VPS41: variants seen among roughly 807,000 people sequenced by gnomAD.
VPS41 encodes VPS41 subunit of HOPS complex, also known as vacuolar protein sorting-associated protein 41 homolog.
VPS41 carries 85 observed loss-of-function variants against 130.9 expected under a neutral mutation model. The ratio of observed to expected loss-of-function variants is 0.65; its 90% CI spans 0.55 to 0.78. The LOEUF (loss-of-function observed/expected upper bound fraction) is 0.78. Among genes scored for constraint, VPS41 ranks in the 30% least tolerant of loss-of-function variants. The pLI is 0.00. For synonymous variants in VPS41, 335 were observed against 332.9 expected, an observed-to-expected ratio of 1.01 and a Z score of -0.07; for missense variants, 874 against 1,018.7, an observed-to-expected ratio of 0.86 and a Z score of 1.93.
intron 1 of VPS41, among the ~76,000 whole-genome samples, chr7:38,908,670 C>T (rs10231395): frequency 1.3e-5 from 2 of 152,192 alleles, no homozygotes; most frequent in Admixed American, 6.5e-5. Context: ...TGCTCCAGAA[C>T]GGATGCATTT....
intron 10 of VPS41, among the ~76,000 whole-genome samples, chr7:38,786,528 G>A (rs1002262054): frequency 1.3e-5 from 2 of 152,122 alleles, no homozygotes; most frequent in Admixed American, 1.3e-4. Flanking sequence ...CCCAAAAGGA[G>A]GAATGAATAG....
rs1019954997 is a variant in VPS41, at chr7:38,796,853, A to T, written c.462T>A (p.Phe154Leu). 15 of 1,613,820 alleles carry T rather than the reference A, an allele frequency of 9.3e-6. No individual in the cohort carries two copies. The highest frequency in any genetic ancestry group is 1.3e-5 in the Non-Finnish European group (15 of 1,179,848). The change falls in exon 8 of 29, where the codon TTT (phenylalanine) becomes TTA (leucine). Residue 154 changes from phenylalanine to leucine, a missense_variant. By Grantham distance (22) the Phe-to-Leu change is conservative (BLOSUM62 0). Transcript: ENST00000310301. ...TCCATCTGTTCATCCAAGACCGTTC[A>T]AACAGTAGCAGCTAGGGACAAAAAG... ...FVTGGKKLLL[F>L]ERSWMNRWKS...
chr7:38,745,508 G>A (rs375394641), intron 23 of VPS41, 51 bp downstream of exon 23: 1 of 1,422,240 alleles, frequency 7.0e-7, no homozygotes, highest in Non-Finnish European at 9.9e-7. Flanking sequence ...ACTTCATGTT[G>A]TCATCCCATT....
At chr7:38,874,139 A>G (rs1156336411) in intron 2 of VPS41, among the ~76,000 whole-genome samples, 1 of 152,192 alleles carries the variant, frequency 6.6e-6, no homozygotes, top group Non-Finnish European at 1.5e-5. Flanking sequence ...TTGTTTAAAC[A>G]TATCTTTCAC....
intron 25 of VPS41, among the ~76,000 whole-genome samples, chr7:38,737,001 G>C (rs952613624): frequency 6.6e-6 from 1 of 152,150 alleles, no homozygotes; most frequent in African/African-American, 2.4e-5. Context: ...CACCACTTTT[G>C]AAAGTTGGTG....
chr7:38,809,571 G>A (rs1784904131), intron 7 of VPS41, among the ~76,000 whole-genome samples: 1 of 152,018 alleles, frequency 6.6e-6, no homozygotes, highest in Admixed American at 6.6e-5. Context: ...ACCACTGCTG[G>A]AAGCTTATAG....
chr7:38,835,492 G>T (rs960208469), intron 4 of VPS41, among the ~76,000 whole-genome samples: 28 of 151,876 alleles, frequency 1.8e-4, no homozygotes, highest in African/African-American at 6.5e-4. Context: ...CAAGGATGGT[G>T]ATGTTGTATT....
intron 3 of VPS41, 142 bp downstream of exon 3, chr7:38,869,004 T>C (rs1786288329): frequency 1.7e-6 from 1 of 602,530 alleles, no homozygotes; most frequent in African/African-American, 1.8e-5. Flanking sequence ...TGGGGTTTTT[T>C]GTTGGCAAGG....
intron 10 of VPS41, among the ~76,000 whole-genome samples, chr7:38,785,832 G>C (rs1257785598): frequency 6.6e-6 from 1 of 151,976 alleles, no homozygotes; most frequent in Non-Finnish European, 1.5e-5. Flanking sequence ...GTCACCCAAG[G>C]CAATCAGGTT....
chr7:38,817,526 G>A (rs1175847186), intron 7 of VPS41, among the ~76,000 whole-genome samples: 1 of 152,130 alleles, frequency 6.6e-6, no homozygotes, highest in Non-Finnish European at 1.5e-5. Flanking sequence ...GCTGATGCAG[G>A]AGAACCACTT....
chr7:38,782,799 T>C (rs934333893), intron 10 of VPS41, among the ~76,000 whole-genome samples: 1 of 152,158 alleles, frequency 6.6e-6, no homozygotes, highest in African/African-American at 2.4e-5. Flanking sequence ...TCATAATCTC[T>C]GAGGGTTACA....
At chr7:38,809,912 C>T (rs1291019558) in intron 7 of VPS41, among the ~76,000 whole-genome samples, 2 of 151,244 alleles carry the variant, frequency 1.3e-5, no homozygotes, top group Non-Finnish European at 2.9e-5. Context: ...ACAGGGAAAG[C>T]TGGACAATTA....
intron 2 of VPS41, among the ~76,000 whole-genome samples, chr7:38,870,759 A>C (rs1337310808): frequency 1.4e-5 from 2 of 146,728 alleles, no homozygotes; most frequent in Middle Eastern, 3.4e-3. Context: ...AAAAAAAAAA[A>C]AAAAACAGAA....
chr7:38,819,292 T>C (rs1297423935), intron 6 of VPS41, among the ~76,000 whole-genome samples: 1 of 152,208 alleles, frequency 6.6e-6, no homozygotes, highest in African/African-American at 2.4e-5. Flanking sequence ...CAAGATTATC[T>C]TCCCTACCTA....
chr7:38,809,662 T>C (rs1276819740), intron 7 of VPS41, among the ~76,000 whole-genome samples: 5 of 152,134 alleles, frequency 3.3e-5, no homozygotes, highest in Non-Finnish European at 5.9e-5. Context: ...ACTCCAGTCC[T>C]TTCCTTGTTT....
intron 22 of VPS41, among the ~76,000 whole-genome samples, chr7:38,751,114 AT>A (rs926482524): frequency 1.2e-4 from 18 of 152,168 alleles, no homozygotes; most frequent in African/African-American, 3.9e-4. Context: ...GGCAGGCAAG[AT>A]TTTTTTCAAT....
intron 1 of VPS41, among the ~76,000 whole-genome samples, chr7:38,904,619 A>G (rs924850324): frequency 2.0e-5 from 3 of 152,240 alleles, no homozygotes; most frequent in Non-Finnish European, 2.9e-5. Flanking sequence ...TATATTCACA[A>G]AAGTTTTAAC....
chr7:38,783,241 T>C (rs2115906889), intron 10 of VPS41, among the ~76,000 whole-genome samples: 1 of 151,994 alleles, frequency 6.6e-6, no homozygotes, highest in South Asian at 2.1e-4. Context: ...TCTGAATATT[T>C]AAAGAAATAA....
intron 25 of VPS41, among the ~76,000 whole-genome samples, chr7:38,739,552 A>C (rs1263840355): frequency 6.6e-6 from 1 of 152,250 alleles, no homozygotes; most frequent in Non-Finnish European, 1.5e-5. Context: ...AAAGAGCAGA[A>C]AAATATTTTA....
Sources: allele counts gnomAD v4.1 joint callset (sites outside exome capture counted in the v4.1 genomes callset), GRCh38; gene constraint gnomAD v4.1.1; transcripts MANE v1.5; gene names NCBI Gene and HGNC (gene_info 2026-07-23, HGNC 2026-07-21).